The following AGXT2 variants were observed in gnomAD, a reference collection of about 807,000 sequenced individuals.
The protein encoded by AGXT2 is alanine--glyoxylate aminotransferase 2, also known as alanine--glyoxylate aminotransferase 2, mitochondrial.
Under a neutral mutation model 62.5 loss-of-function variants are expected in AGXT2, and 61 were observed. The ratio of observed to expected loss-of-function variants is 0.98; its 90% CI spans 0.79 to 1.21. AGXT2 has a LOEUF of 1.21. AGXT2 is among the 50% of genes most tolerant of loss of function. The pLI, the probability that AGXT2 is intolerant of heterozygous loss-of-function variation, is 0.00. For synonymous variants in AGXT2, 243 were observed against 218.7 expected (o/e 1.11, Z -0.98); for missense variants, 666 against 641.5 (o/e 1.04, Z -0.41).
chr5:35,022,055 A>C (rs2112230234), intron 9 of AGXT2, among the ~76,000 whole-genome samples: 1 of 152,210 alleles, frequency 6.6e-6, no homozygotes, highest in East Asian at 1.9e-4. Context: ...AATGGTGATC[A>C]TTAAAAAGTC....
Position 35,007,602 on chromosome 5 carries a change from C to A in AGXT2, c.1338+2398G>T, listed in dbSNP as rs1000687161. Among the ~76,000 whole-genome samples, 3 of 152,222 alleles carry A rather than the reference C, an allele frequency of 2.0e-5. No homozygotes were observed. The Middle Eastern group carries it at 0.01, about 521-fold the overall frequency. On this transcript the variant is annotated intron_variant, in intron 12 of 13. Coordinates refer to ENST00000231420, the MANE Select transcript of AGXT2 (RefSeq NM_031900.4). ...TTGGAGAGTAATTGCATTGAGGGGA[C>A]AGTGAGTAGAATTAGGGGATGTAGG...
intron 7 of AGXT2, among the ~76,000 whole-genome samples, chr5:35,031,955 T>TAC (rs1767575583): frequency 7.0e-6 from 1 of 142,094 alleles, no homozygotes; most frequent in Non-Finnish European, 1.5e-5. Flanking sequence ...TTTTTTTTTT[T>TAC]TTTTTTTTTT....
intron 11 of AGXT2, among the ~76,000 whole-genome samples, chr5:35,010,437 T>A (rs1302855398): frequency 6.6e-6 from 1 of 152,088 alleles, no homozygotes; most frequent in African/African-American, 2.4e-5. Flanking sequence ...CCCAGCACTT[T>A]GGGAGGCCAA....
rs1767773069 is a variant in AGXT2, at chr5:35,036,503, G to A, written c.486+439C>T. On this transcript the variant is annotated intron_variant, in intron 4 of 13. Coordinates refer to ENST00000231420, the MANE Select transcript of AGXT2 (RefSeq NM_031900.4). ...TAATTTGGACCAAATGAACCAAATG[G>A]CACTTATTAAAAATGGTTTCACTGT... Among the ~76,000 whole-genome samples the A allele has an allele frequency of 3.3e-5, 5 of 152,118 alleles. No individual in the cohort carries two copies. The South Asian group carries it at 1.0e-3, about 32-fold the overall frequency.
intron 13 of AGXT2, among the ~76,000 whole-genome samples, chr5:35,003,456 T>C (rs1053539080): frequency 7.2e-5 from 11 of 152,174 alleles, no homozygotes; most frequent in Non-Finnish European, 1.3e-4. Flanking sequence ...TTATCATCCA[T>C]ACTGTTAGTT....
chr5:35,040,459 ATGAGG>A (rs1361259503), intron 2 of AGXT2, 111 bp downstream of exon 2: 12 of 918,538 alleles, frequency 1.3e-5, no homozygotes, highest in Admixed American at 1.8e-5. Context: ...AATATCTGGA[ATGAGG>A]TAGTTTAGTG....
intron 3 of AGXT2, among the ~76,000 whole-genome samples, chr5:35,038,912 A>G (rs1767878923): frequency 6.6e-6 from 1 of 152,178 alleles, no homozygotes; most frequent in Admixed American, 6.5e-5. Context: ...CTCAGAGGCC[A>G]TGAAGAAGAT....
At chr5:35,019,432 G>A (rs1166500873) in intron 9 of AGXT2, among the ~76,000 whole-genome samples, 31 of 150,054 alleles carry the variant, frequency 2.1e-4, no homozygotes, top group South Asian at 6.4e-4. Flanking sequence ...ACTCAAAACC[G>A]CTCAACTACA....
At chr5:35,017,058 G>A (rs1464989503) in intron 9 of AGXT2, among the ~76,000 whole-genome samples, 2 of 152,162 alleles carry the variant, frequency 1.3e-5, no homozygotes. Context: ...AGAAAAGAAT[G>A]CCACTGATTG....
rs751396943 is a variant in AGXT2, at chr5:35,003,856, G to A, written c.1344C>T (p.Ser448=). 3 of 1,613,682 alleles carry A rather than the reference G, an allele frequency of 1.9e-6. No homozygotes were observed. The highest frequency in any genetic ancestry group is 8.5e-7 in the Non-Finnish European group (1 of 1,179,630). The change falls in exon 13 of 14, where the codon AGC becomes AGT. Residue 448 remains serine, a synonymous_variant. Transcript: ENST00000231420. ...CTTCTTCACGGGGAAGAGGCCGACA[G>A]CTTATCTGTAAATATATTTTTAAAA... ...IGIEMVQDKI[S]CRPLPREEVN...
chr5:35,037,156 T>G, intron 3 of AGXT2, 91 bp from the exon 4 acceptor site: 1 of 1,579,872 alleles, frequency 6.3e-7, no homozygotes, highest in Admixed American at 1.8e-5. Context: ...TACTGTTTTT[T>G]CTCAAAGAGT....
chr5:35,039,494 G>T lies in AGXT2; in HGVS notation c.192C>A (p.Asn64Lys), dbSNP rs746837514. Residue 64 changes from asparagine to lysine, a missense_variant, in exon 3 of 14, where the codon AAC becomes AAA. Asn to Lys is a moderately conservative substitution (Grantham distance 94). Transcript: ENST00000231420. ...GTTCCTTGTGGATTTCCAGGACACG[G>T]TTGTAGCCAAGGGACTGTAGATAAA... ...MPERYQSLGY[N>K]RVLEIHKEHL... The T allele has an allele frequency of 4.3e-6, 7 of 1,613,880 alleles. No individual in the cohort carries two copies. The highest frequency in any genetic ancestry group is 5.9e-6 in the Non-Finnish European group (7 of 1,179,830).
At chr5:35,026,317 T>C in intron 8 of AGXT2, 93 bp downstream of exon 8, 1 of 1,047,594 alleles carries the variant, frequency 9.5e-7, no homozygotes. Flanking sequence ...CAGTGAGCAC[T>C]TAATTCATTT....
At chr5:35,017,906 T>C (rs1174183954) in intron 9 of AGXT2, among the ~76,000 whole-genome samples, 1 of 151,908 alleles carries the variant, frequency 6.6e-6, no homozygotes, top group Non-Finnish European at 1.5e-5. Context: ...AAACCAAGGC[T>C]CGAGAACTAC....
chr5:35,044,714 T>G (rs929521738), intron 1 of AGXT2, among the ~76,000 whole-genome samples: 7 of 152,148 alleles, frequency 4.6e-5, no homozygotes, highest in African/African-American at 1.7e-4. Context: ...ACAGGGGCAG[T>G]TGTGGCTGTC....
At position 35,039,325 on chromosome 5, in the gene AGXT2, G is replaced by A. The variant is rs778762903; in HGVS notation, c.361C>T (p.Pro121Ser). Residue 121 changes from proline (P) to serine (S), a missense_variant and splice_region_variant, in exon 3 of 14, where the codon CCA (proline) becomes TCA (serine). Coordinates refer to ENST00000231420, the MANE Select transcript of AGXT2 (RefSeq NM_031900.4). ...IVTVSVGHCHPKVNAVAQKQL... is the reference protein window; with the variant it reads ...IVTVSVGHCHSKVNAVAQKQL... ...TCTCCAGATTTTAAGGATACTCACGGGTGGCAATGGCCAACACTGACAGTA... is the reference window on the plus strand; with the variant it reads ...TCTCCAGATTTTAAGGATACTCACGAGTGGCAATGGCCAACACTGACAGTA... 3.1e-6 allele frequency: 5 copies of A among 1,613,656 alleles called. No homozygotes were observed. In the African/African-American group the frequency reaches 5.3e-5, roughly 17 times the overall value.
chr5:35,007,800 T>C (rs936282569), intron 12 of AGXT2, among the ~76,000 whole-genome samples: 2 of 152,070 alleles, frequency 1.3e-5, no homozygotes, highest in Non-Finnish European at 2.9e-5. Context: ...ATGTTGGAGG[T>C]GGGTCCTAAA....
intron 12 of AGXT2, among the ~76,000 whole-genome samples, chr5:35,004,981 T>C (rs1766369289): frequency 6.6e-6 from 1 of 152,160 alleles, no homozygotes; most frequent in African/African-American, 2.4e-5. Flanking sequence ...GCAAAATACA[T>C]ATTCAAACTT....
rs188234595 is a variant in AGXT2 at position 35,042,623 on chromosome 5, C to T, written c.89-1960G>A. Among the ~76,000 whole-genome samples, 332 of 152,002 alleles carry T rather than the reference C, an allele frequency of 2.2e-3. 1 individual carries two copies. The highest frequency in any genetic ancestry group is 7.7e-3 in the African/African-American group (320 of 41,450). On this transcript the variant is annotated intron_variant, in intron 1 of 13. Transcript: ENST00000231420. ...GAAAATCTATCTAGATAATTGCATGCAATTTTTATTCAAAATAGCCTGTGT... is the reference window on the plus strand; with the variant it reads ...GAAAATCTATCTAGATAATTGCATGTAATTTTTATTCAAAATAGCCTGTGT...
Sources: gnomAD v4.1 joint callset for allele counts (sites outside exome capture counted in the v4.1 genomes callset) on GRCh38, gnomAD v4.1.1 for gene constraint, MANE v1.5 for transcripts, NCBI Gene and HGNC (gene_info 2026-07-23, HGNC 2026-07-21) for gene names.